Variants in BPIFB3 observed in about 807,000 individuals in gnomAD.
BPIFB3 encodes the protein BPI fold-containing family B member 3.
A neutral mutation model predicts 53.1 loss-of-function variants in BPIFB3; 49 were observed. The ratio of observed to expected loss-of-function variants is 0.92; its 90% confidence interval spans 0.73 to 1.17. The LOEUF (loss-of-function observed/expected upper bound fraction) is 1.17, where lower values mean the gene tolerates loss of function less well. Ranked by LOEUF, BPIFB3 falls within the 50% of genes most tolerant of loss-of-function variation. The pLI is 0.00. For synonymous variants in BPIFB3, 271 were observed against 269.6 expected, an observed-to-expected ratio of 1.01 and a Z score of -0.05; for missense variants, 628 against 592.5, an observed-to-expected ratio of 1.06 and a Z score of -0.62.
intron 8 of BPIFB3, among the ~76,000 whole-genome samples, chr20:33,066,054 G>T (rs145856640): frequency 6.6e-6 from 1 of 152,210 alleles, no homozygotes; most frequent in African/African-American, 2.4e-5. Context: ...CAAGAGAGAG[G>T]AATGTCAGAG....
rs370171937 is a variant in BPIFB3 at position 33,072,199 on chromosome 20, G to C, written c.1324+32G>C. The C allele has an allele frequency of 1.9e-6, 3 of 1,609,252 alleles. No homozygotes were observed. The African/African-American group carries it at 4.0e-5, about 22-fold the overall frequency. On this transcript the variant is annotated intron_variant, in intron 13 of 14. Transcript: ENST00000375494. ...CAGGTTTTGCTCTCTTGGACACATG[G>C]AGTGTCTGAATTTGGTATTGTCTAG... is the stretch of plus-strand genomic sequence containing the variant.
At chr20:33,062,139 G>A (rs1021678195) in intron 5 of BPIFB3, among the ~76,000 whole-genome samples, 4 of 152,242 alleles carry the variant, frequency 2.6e-5, no homozygotes, top group Admixed American at 6.5e-5. Context: ...TTAAATTAGC[G>A]TGAAATGAAA....
rs1980924695 is a variant in BPIFB3, at chr20:33,072,090, G to A, written c.1261-14G>A. ...CAGAGCACCACCCCCACCACCCTGTGTGTTCTGTTGCAGGGATCGCGTTTA... is the reference window on the plus strand; with the variant it reads ...CAGAGCACCACCCCCACCACCCTGTATGTTCTGTTGCAGGGATCGCGTTTA... On this transcript the variant is annotated splice_polypyrimidine_tract_variant and intron_variant, in intron 12 of 14. Coordinates refer to ENST00000375494, the Ensembl canonical transcript of BPIFB3. 6.2e-7 allele frequency: 1 copy of A among 1,613,940 alleles called. No individual in the cohort carries two copies. The highest frequency in any genetic ancestry group is 1.3e-5 in the African/African-American group (1 of 75,042).
intron 4 of BPIFB3, among the ~76,000 whole-genome samples, chr20:33,061,552 G>T (rs1054160484): frequency 6.6e-6 from 1 of 152,180 alleles, no homozygotes. Flanking sequence ...AGCTCTCTAA[G>T]GTGGGCATTG....
At chr20:33,056,457 A>G in intron 1 of BPIFB3, 85 bp from the exon 3 acceptor site, 1 of 1,502,744 alleles carries the variant, frequency 6.7e-7, no homozygotes. Flanking sequence ...AAGCCTACTC[A>G]ATCTCAGAGG....
At chr20:33,072,420 A>G (rs1418036473) in intron 13 of BPIFB3, among the ~76,000 whole-genome samples, 4 of 152,224 alleles carry the variant, frequency 2.6e-5, no homozygotes, top group Non-Finnish European at 5.9e-5. Flanking sequence ...ACAGTCTAGT[A>G]GGAAATAATC....
chr20:33,056,298 C>T (rs1421563855), intron 1 of BPIFB3, among the ~76,000 whole-genome samples: 1 of 152,210 alleles, frequency 6.6e-6, no homozygotes, highest in African/African-American at 2.4e-5. Flanking sequence ...GAGATTTGCT[C>T]ATTCATTCTC....
At chr20:33,058,198 G>T (rs1050239890) in intron 2 of BPIFB3, among the ~76,000 whole-genome samples, 1 of 152,240 alleles carries the variant, frequency 6.6e-6, no homozygotes, top group African/African-American at 2.4e-5. Context: ...GTATGGAGAA[G>T]AGTCACTGGA....
upstream of BPIFB3, among the ~76,000 whole-genome samples, chr20:33,054,156 A>G (rs535047562): frequency 6.6e-6 from 1 of 152,196 alleles, no homozygotes; most frequent in Admixed American, 6.5e-5. Context: ...AAAGACTTGT[A>G]TATATTCACA....
chr20:33,063,718 G>C (rs370725204), intron 6 of BPIFB3, 43 bp downstream of exon 7: 4 of 1,597,824 alleles, frequency 2.5e-6, no homozygotes, highest in Non-Finnish European at 3.4e-6. Context: ...CCTTCTACCC[G>C]TCTCTGTATG....
chr20:33,070,160 T>G (rs1980827068), intron 11 of BPIFB3, among the ~76,000 whole-genome samples: 1 of 152,130 alleles, frequency 6.6e-6, no homozygotes, highest in African/African-American at 2.4e-5. Flanking sequence ...AGCAGCAGGC[T>G]CAAGAGTGGG....
chr20:33,069,995 T>G, intron 11 of BPIFB3, 40 bp downstream of exon 12: 1 of 1,597,176 alleles, frequency 6.3e-7, no homozygotes, highest in South Asian at 1.1e-5. Flanking sequence ...GTTCTTGTCT[T>G]TAGGAACAAG....
At chr20:33,069,010 GGGTTCCAAA>G (rs754307534) in intron 10 of BPIFB3, 37 bp downstream of exon 11, 73 of 1,596,324 alleles carry the variant, frequency 4.6e-5, no homozygotes, top group Non-Finnish European at 6.2e-5. Flanking sequence ...CCCGGCATTG[GGGTTCCAAA>G]TGGGGGTGAC....
At chr20:33,063,805 C>T (rs1158643308) in intron 6 of BPIFB3, 130 bp downstream of exon 7, 2 of 925,450 alleles carry the variant, frequency 2.2e-6, no homozygotes, top group Non-Finnish European at 3.2e-6. Context: ...CTCACACTGA[C>T]AGGCTGCCCC....
In BPIFB3 at chr20:33,073,576, A is replaced by C. The variant is rs766833620; in HGVS notation, c.1402A>C (p.Asn468His). 3.0e-5 allele frequency: 49 copies of C among 1,613,848 alleles called. No homozygotes were observed. Among genetic ancestry groups the C allele is most frequent in the Non-Finnish European group, 4.1e-5 (48 of 1,179,950 alleles). ...AACCAAGAGCGGTTGTTCCTTACAG[A>C]ATGCTGTTGTGCTGACCGTGGCATC... The change falls in exon 15 of 15, where the codon AAT becomes CAT. Residue 468 changes from asparagine (N) to histidine (H), a missense_variant and splice_region_variant. Transcript: ENST00000375494.
At position 33,064,816 on chromosome 20, in the gene BPIFB3, G is replaced by A. The variant is rs200406115; in HGVS notation, c.895G>A (p.Ala299Thr). ...GTTTGGACTCCTGCAGACCAACGGCGCCCTCGACATGGACATCACCCCTGA... is the reference window on the plus strand; with the variant it reads ...GTTTGGACTCCTGCAGACCAACGGCACCCTCGACATGGACATCACCCCTGA... The change falls in exon 8 of 15, where the codon GCC becomes ACC. Residue 299 changes from alanine to threonine, a missense_variant. Ala to Thr is a moderately conservative substitution (Grantham distance 58). Coordinates refer to ENST00000375494, the Ensembl canonical transcript of BPIFB3. 1.0e-4 allele frequency: 161 copies of A among 1,613,382 alleles called. 1 individual carries two copies. The highest frequency in any genetic ancestry group is 1.2e-4 in the Non-Finnish European group (145 of 1,180,008).
chr20:33,070,615 G>A (rs1980845459), intron 11 of BPIFB3, among the ~76,000 whole-genome samples: 1 of 152,218 alleles, frequency 6.6e-6, no homozygotes, highest in Non-Finnish European at 1.5e-5. Context: ...CCTGGCAGTA[G>A]GGACTTTCCT....
intron 11 of BPIFB3, among the ~76,000 whole-genome samples, chr20:33,070,638 G>C (rs1359204913): frequency 6.6e-6 from 1 of 152,202 alleles, no homozygotes; most frequent in Non-Finnish European, 1.5e-5. Context: ...AGATTGCTGA[G>C]ACCTGACGTC....
In BPIFB3 at chr20:33,071,125, G is replaced by T. The variant is rs1398691497; in HGVS notation, c.1218-128G>T. ...AAACTGAGTCTCTGAGTCAAGGCTGGATAGAGGCAGAGTGTTGGGCTGGTA... is the reference window on the plus strand; with the variant it reads ...AAACTGAGTCTCTGAGTCAAGGCTGTATAGAGGCAGAGTGTTGGGCTGGTA... On this transcript the variant is annotated intron_variant, in intron 11 of 14. Transcript: ENST00000375494. 8.0e-6 allele frequency: 8 copies of T among 996,916 alleles called. No individual in the cohort carries two copies. The African/African-American group carries it at 1.1e-4, about 14-fold the overall frequency. The allele number at this position is 996,916 out of a possible 1,614,324, so 61.8% of individuals were successfully genotyped here.
Sources: allele counts gnomAD v4.1 joint callset (sites outside exome capture counted in the v4.1 genomes callset), GRCh38; gene constraint gnomAD v4.1.1; transcripts MANE v1.5; gene names NCBI Gene and HGNC (gene_info 2026-07-23, HGNC 2026-07-21).